F10: variants seen among roughly 807,000 people sequenced by gnomAD.
The protein encoded by F10 is coagulation factor X.
A neutral mutation model predicts 37.1 loss-of-function variants in F10; 29 were observed. The ratio of observed to expected loss-of-function variants is 0.78; its 90% CI spans 0.58 to 1.07. The LOEUF (loss-of-function observed/expected upper bound fraction) is 1.07, where lower values mean the gene tolerates loss of function less well. Ranked by LOEUF, F10 falls within the 50% of genes least tolerant of loss-of-function variation. The pLI is 0.00. For missense variants in F10, 539 were observed against 667.9 expected, an observed-to-expected ratio of 0.81 and a Z score of 2.13; for synonymous variants, 262 against 268.6, an observed-to-expected ratio of 0.98 and a Z score of 0.24.
In F10 at chr13:113,129,586, G is replaced by C. The variant is rs1325135019; in HGVS notation, c.205G>C (p.Glu69Gln). 2 of 1,614,206 alleles carry C rather than the reference G, an allele frequency of 1.2e-6. No individual in the cohort carries two copies. The highest frequency in any genetic ancestry group is 1.7e-6 in the Non-Finnish European group (2 of 1,180,030). The stretch of plus-strand genomic sequence containing the variant: ...GACCTGCTCATACGAAGAGGCCCGC[G>C]AGGTCTTTGAGGACAGCGACAAGAC... ...EETCSYEEAR[E>Q]VFEDSDKTNE... The change falls in exon 2 of 8, where the codon GAG becomes CAG. Residue 69 changes from glutamate to glutamine, a missense_variant. Glu to Gln is a conservative substitution (Grantham distance 29). Transcript: ENST00000375559.
intron 1 of F10, chr13:113,128,568 G>A (rs1297477023): frequency 6.6e-6 from 1 of 152,298 alleles, no homozygotes; most frequent in African/African-American, 2.4e-5. Flanking sequence ...TTTAAAAGGT[G>A]CTACACACAT....
In F10 at chr13:113,148,345, A is replaced by AATATATATATGTATATAT. The variant is rs1555396302; in HGVS notation, c.866-561_866-560insGTATATATATATATATAT. 6.3e-5 allele frequency among the ~76,000 whole-genome samples: 6 copies of AATATATATATGTATATAT among 95,436 alleles called. No homozygotes were observed. The East Asian group carries it at 2.6e-3, about 41-fold the overall frequency. The allele number at this position is 95,436 out of a possible 152,430, so 62.6% of individuals were successfully genotyped here. On this transcript the variant is annotated intron_variant, in intron 7 of 7. Transcript: ENST00000375559. The stretch of plus-strand genomic sequence containing the variant: ...AACTCTGTCTCAAAAAAAAAAAAAA[A>AATATATATATGTATATAT]ATATATATATATATATATGTATATA...
Position 113,147,539 on chromosome 13 carries a change from T to A in F10, c.865+43T>A, listed in dbSNP as rs377484152. On this transcript the variant is annotated intron_variant, in intron 7 of 7. Coordinates refer to ENST00000375559, the MANE Select transcript of F10 (RefSeq NM_000504.4). ...CCCAGGGCCGTGGTGAGGGGCACCGTCACTGTCTGCTTTTCAGAAACCACT... is the reference window on the plus strand; with the variant it reads ...CCCAGGGCCGTGGTGAGGGGCACCGACACTGTCTGCTTTTCAGAAACCACT... 5.1e-5 allele frequency: 59 copies of A among 1,153,286 alleles called. No homozygotes were observed. In the African/African-American group the frequency reaches 7.7e-4, roughly 15 times the overall value. The allele number at this position is 1,153,286 out of a possible 1,614,324, so 71.4% of individuals were successfully genotyped here. A position where few individuals can be genotyped will look rare whatever the true frequency, so the allele number is the denominator to read the frequency against.
intron 1 of F10, chr13:113,128,882 A>AAG (rs1239112324): frequency 8.4e-4 from 127 of 150,602 alleles, no homozygotes; most frequent in Middle Eastern, 3.4e-3. Context: ...CACCATCTTA[A>AAG]AGAGAAAAAA....
chr13:113,130,396 C>T (rs2036422221), intron 2 of F10: 1 of 153,128 alleles, frequency 6.5e-6, no homozygotes, highest in Non-Finnish European at 1.5e-5. Context: ...TCGACTTCCT[C>T]ACCCCAGGCA....
chr13:113,141,108 A>T lies in F10; in HGVS notation c.502+58A>T. ...GCCGCTGGGCCGGGCCAGGGAGGAC[A>T]AGCCCGTGCCAGGGGGTGGGGACAC... On this transcript the variant is annotated intron_variant, in intron 5 of 7. Coordinates refer to ENST00000375559, the MANE Select transcript of F10 (RefSeq NM_000504.4). The surrounding 1 kb of genome is among the most constrained non-coding windows in gnomAD (Gnocchi z 5.4). 1 of 1,606,894 alleles carries T rather than the reference A, an allele frequency of 6.2e-7. No homozygotes were observed. The highest frequency in any genetic ancestry group is 8.5e-7 in the Non-Finnish European group (1 of 1,178,894).
chr13:113,148,234 G>A (rs2036599715), intron 7 of F10, among the ~76,000 whole-genome samples: 1 of 151,470 alleles, frequency 6.6e-6, no homozygotes, highest in Admixed American at 6.6e-5. Flanking sequence ...GGGAAGCTGA[G>A]GCAGGAGAAC....
At chr13:113,126,491 G>A (rs2036371504) in intron 1 of F10, among the ~76,000 whole-genome samples, 1 of 152,232 alleles carries the variant, frequency 6.6e-6, no homozygotes, top group African/African-American at 2.4e-5. Flanking sequence ...TAAGAGGTCA[G>A]AGGAGGCGCA....
rs765639084 is a variant in F10 at position 113,149,307 on chromosome 13, C to T, written c.1257C>T (p.Ser419=). Residue 419 remains serine (S), a synonymous_variant, in exon 8 of 8, where the codon AGC becomes AGT. Coordinates refer to ENST00000375559, the MANE Select transcript of F10 (RefSeq NM_000504.4). This position sits in a 1 kb window ranked among gnomAD's most constrained non-coding sequence, Gnocchi z 7.5. ...TKQEDACQGD[S]GGPHVTRFKD... ...AGGAGGATGCCTGCCAGGGGGACAG[C>T]GGGGGCCCGCACGTCACCCGCTTCA... 11 of 1,613,098 alleles carry T rather than the reference C, an allele frequency of 6.8e-6. No homozygotes were observed. Among genetic ancestry groups the T allele is most frequent in the Middle Eastern group, 3.3e-4 (2 of 6,084 alleles).
At chr13:113,131,737 C>G (rs989592080) in intron 2 of F10, 1 of 152,216 alleles carries the variant, frequency 6.6e-6, no homozygotes, top group Non-Finnish European at 1.5e-5. Context: ...CTAAGAGGGT[C>G]TCACTGAGCA....
chr13:113,143,716 G>GT lies in F10; in HGVS notation c.503-135_503-134insT. ...TGCCGACGACGTGGGGCCTCGCCCT[G>GT]CAAGCCCGCTGCCCCTCCGGGTGCC... On this transcript the variant is annotated intron_variant, in intron 5 of 7. Coordinates refer to ENST00000375559, the MANE Select transcript of F10 (RefSeq NM_000504.4). The surrounding 1 kb of genome is among the most constrained non-coding windows in gnomAD (Gnocchi z 6.8). 5 of 1,312,324 alleles carry GT rather than the reference G, an allele frequency of 3.8e-6. No homozygotes were observed. Among genetic ancestry groups the GT allele is most frequent in the South Asian group, 3.1e-5 (2 of 64,110 alleles). 81.3% of individuals were successfully genotyped at this position (1,312,324 alleles called of 1,614,324 possible).
chr13:113,143,710 C>A lies in F10; in HGVS notation c.503-141C>A. ...GACCCCTGCCGACGACGTGGGGCCT[C>A]GCCCTGCAAGCCCGCTGCCCCTCCG... On this transcript the variant is annotated intron_variant, in intron 5 of 7. Transcript: ENST00000375559. This position sits in a 1 kb window ranked among gnomAD's most constrained non-coding sequence, Gnocchi z 6.8. 1.4e-4 allele frequency: 172 copies of A among 1,219,798 alleles called. No individual in the cohort carries two copies. The highest frequency in any genetic ancestry group is 1.1e-3 in the Admixed American group (45 of 41,270). The allele number at this position is 1,219,798 out of a possible 1,614,324, so 75.6% of individuals were successfully genotyped here. A position where few individuals can be genotyped will look rare whatever the true frequency, so the allele number is the denominator to read the frequency against.
At chr13:113,138,804 G>A (rs763023760) in intron 3 of F10, among the ~76,000 whole-genome samples, 6 of 152,178 alleles carry the variant, frequency 3.9e-5, no homozygotes, top group Non-Finnish European at 5.9e-5. Flanking sequence ...TTAGATTCCC[G>A]ACTAAGGTAA....
In F10 at chr13:113,143,722, C is replaced by T; in HGVS notation, c.503-129C>T. ...CGACGTGGGGCCTCGCCCTGCAAGC[C>T]CGCTGCCCCTCCGGGTGCCCCTGCG... On this transcript the variant is annotated intron_variant, in intron 5 of 7. Coordinates refer to ENST00000375559, the MANE Select transcript of F10 (RefSeq NM_000504.4). The surrounding 1 kb of genome is among the most constrained non-coding windows in gnomAD (Gnocchi z 6.8). 8 of 1,387,904 alleles carry T rather than the reference C, an allele frequency of 5.8e-6. No homozygotes were observed. Among genetic ancestry groups the T allele is most frequent in the South Asian group, 4.1e-5 (3 of 73,430 alleles). The allele number at this position is 1,387,904 out of a possible 1,614,324, so 86.0% of individuals were successfully genotyped here.
rs1566922876 is a variant in F10, at chr13:113,149,384, G to A, written c.1334G>A (p.Arg445His). 1.3e-5 allele frequency: 19 copies of A among 1,501,744 alleles called. No homozygotes were observed. Among genetic ancestry groups the A allele is most frequent in the South Asian group, 2.7e-5 (2 of 73,478 alleles). The allele number at this position is 1,501,744 out of a possible 1,614,324, so 93.0% of individuals were successfully genotyped here. Residue 445 changes from arginine to histidine, a missense_variant, in exon 8 of 8, where the codon CGT becomes CAT. By Grantham distance (29) the Arg-to-His change is conservative. Transcript: ENST00000375559. This position sits in a 1 kb window ranked among gnomAD's most constrained non-coding sequence, Gnocchi z 7.5. ...GIVSWGEGCA[R>H]KGKYGIYTKV... ...GTCAGCTGGGGAGAGGGCTGTGCCC[G>A]TAAGGGGAAGTACGGGATCTACACC... is the stretch of plus-strand genomic sequence containing the variant.
intron 2 of F10, among the ~76,000 whole-genome samples, chr13:113,133,628 T>A (rs1349806424): frequency 6.6e-6 from 1 of 152,198 alleles, no homozygotes; most frequent in South Asian, 2.1e-4. Context: ...ACCAATTCTA[T>A]ACAACTCTTC....
chr13:113,127,759 C>A (rs774270843), intron 1 of F10, among the ~76,000 whole-genome samples: 1 of 152,150 alleles, frequency 6.6e-6, no homozygotes, highest in Non-Finnish European at 1.5e-5. Flanking sequence ...TGTGTCCTGG[C>A]ACTTCATAAA....
intron 2 of F10, among the ~76,000 whole-genome samples, chr13:113,134,106 A>C (rs1279490396): frequency 6.6e-6 from 1 of 152,212 alleles, no homozygotes; most frequent in East Asian, 1.9e-4. Context: ...TTTCTCCCTG[A>C]GACTGGAACA....
chr13:113,123,945 G>T (rs2036345966), intron 1 of F10, among the ~76,000 whole-genome samples: 1 of 152,176 alleles, frequency 6.6e-6, no homozygotes, highest in Non-Finnish European at 1.5e-5. Context: ...TCCCCCTCAG[G>T]CCACACTGCC....
Sources: gnomAD v4.1 joint callset for allele counts (sites outside exome capture counted in the v4.1 genomes callset) on GRCh38, gnomAD v4.1.1 for gene constraint, Gnocchi (gnomAD v3.1) non-coding constraint, MANE v1.5 for transcripts, NCBI Gene and HGNC (gene_info 2026-07-23, HGNC 2026-07-21) for gene names.